MAP3K5: variants seen among roughly 807,000 people sequenced by gnomAD.
The protein encoded by MAP3K5 is mitogen-activated protein kinase kinase kinase 5, also known as ASK-1.
MAP3K5 carries 56 observed loss-of-function variants against 158.7 expected under a neutral mutation model. The observed-to-expected ratio is 0.35, with a 90% CI of 0.28 to 0.44. The LOEUF is 0.44. Ranked by LOEUF, MAP3K5 falls within the 20% of genes least tolerant of loss-of-function variation. MAP3K5 has a pLI of 1.00. For synonymous variants in MAP3K5, 579 were observed against 601.7 expected (o/e 0.96, Z 0.55); for missense variants, 1,294 against 1,674.8 (o/e 0.77, Z 3.97).
intron 1 of MAP3K5, among the ~76,000 whole-genome samples, chr6:136,744,407 T>C (rs1782845492): frequency 6.6e-6 from 1 of 152,064 alleles, no homozygotes; most frequent in African/African-American, 2.4e-5. Flanking sequence ...ATGAGAACCC[T>C]TGACTCTCCC....
chr6:136,585,787 T>C (rs1002869036), intron 23 of MAP3K5, among the ~76,000 whole-genome samples: 10 of 152,164 alleles, frequency 6.6e-5, no homozygotes, highest in African/African-American at 2.4e-4. Context: ...GCTGGGACTA[T>C]AGGCATGAGC....
chr6:136,783,193 C>T (rs1784690629), intron 1 of MAP3K5, among the ~76,000 whole-genome samples: 1 of 151,548 alleles, frequency 6.6e-6, no homozygotes, highest in Non-Finnish European at 1.5e-5. Flanking sequence ...AGGAGGATCA[C>T]TTGAGCCCAG....
intron 14 of MAP3K5, among the ~76,000 whole-genome samples, chr6:136,631,747 G>A (rs765103850): frequency 3.6e-4 from 55 of 152,160 alleles, no homozygotes; most frequent in Non-Finnish European, 5.3e-4. Context: ...AAACAACTCT[G>A]ATTTTGTCAC....
intron 4 of MAP3K5, among the ~76,000 whole-genome samples, chr6:136,698,093 G>C (rs961225159): frequency 1.3e-5 from 2 of 152,156 alleles, no homozygotes; most frequent in Non-Finnish European, 2.9e-5. Flanking sequence ...TCCTGACTCA[G>C]CCTATCATTT....
intron 8 of MAP3K5, among the ~76,000 whole-genome samples, chr6:136,664,214 G>A (rs758891323): frequency 7.2e-5 from 11 of 152,008 alleles, no homozygotes; most frequent in Non-Finnish European, 7.4e-5. Flanking sequence ...TGTGAACTGC[G>A]CGTGCAAGGG....
At chr6:136,738,348 G>A (rs149546445) in intron 1 of MAP3K5, among the ~76,000 whole-genome samples, 331 of 152,168 alleles carry the variant, frequency 2.2e-3, no homozygotes, top group Non-Finnish European at 3.6e-3. Flanking sequence ...TTATAGCTGC[G>A]GACCTGCTTG....
At chr6:136,699,113 C>A (rs1346161221) in intron 3 of MAP3K5, among the ~76,000 whole-genome samples, 1 of 152,090 alleles carries the variant, frequency 6.6e-6, no homozygotes, top group East Asian at 1.9e-4. Context: ...AAGTAGATCC[C>A]GCTCAAATCC....
chr6:136,580,088 C>T (rs1437651244), intron 25 of MAP3K5, among the ~76,000 whole-genome samples: 1 of 152,190 alleles, frequency 6.6e-6, no homozygotes, highest in Non-Finnish European at 1.5e-5. Context: ...TCCTTAAAGA[C>T]AGGGGAAGCA....
chr6:136,631,134 G>C (rs1777330902), intron 14 of MAP3K5, among the ~76,000 whole-genome samples: 1 of 152,160 alleles, frequency 6.6e-6, no homozygotes, highest in African/African-American at 2.4e-5. Flanking sequence ...AAGTTTGTCT[G>C]CTCTCCTGTC....
At position 136,557,576 on chromosome 6, in the gene MAP3K5, A is replaced by C. The variant is rs1481835664; in HGVS notation, c.*182T>G. 1.7e-5 allele frequency: 9 copies of C among 544,818 alleles called. No individual in the cohort carries two copies. The highest frequency in any genetic ancestry group is 2.9e-5 in the Non-Finnish European group (9 of 306,632). The allele number at this position is 544,818 out of a possible 1,614,324, so 33.7% of individuals were successfully genotyped here. On this transcript the variant is annotated 3_prime_UTR_variant, in exon 30 of 30. Transcript: ENST00000359015. ...ATGAAGAGTCCTTAAAAATTATAGA[A>C]ATAGATGTAGTTAGGAAATTTCAGT... is the stretch of plus-strand genomic sequence containing the variant.
At chr6:136,621,509 T>C (rs1377020664) in intron 15 of MAP3K5, among the ~76,000 whole-genome samples, 1 of 152,172 alleles carries the variant, frequency 6.6e-6, no homozygotes, top group East Asian at 1.9e-4. Flanking sequence ...ATATCCTAGG[T>C]GAAAGTGCTG....
intron 1 of MAP3K5, among the ~76,000 whole-genome samples, chr6:136,743,052 T>C (rs1377818820): frequency 1.3e-5 from 2 of 152,098 alleles, no homozygotes; most frequent in African/African-American, 2.4e-5. Flanking sequence ...CTCATGACAC[T>C]GCACTCCAGC....
chr6:136,615,070 T>C (rs1017589043), intron 15 of MAP3K5, among the ~76,000 whole-genome samples: 4 of 152,228 alleles, frequency 2.6e-5, no homozygotes, highest in African/African-American at 4.8e-5. Flanking sequence ...TTGATGATTA[T>C]TGGAAGTACT....
intron 1 of MAP3K5, among the ~76,000 whole-genome samples, chr6:136,752,908 T>C (rs891150175): frequency 2.6e-5 from 4 of 152,346 alleles, no homozygotes; most frequent in African/African-American, 9.6e-5. Context: ...CTGCTCCCTC[T>C]GCCTGGTACA....
At chr6:136,766,618 C>G (rs546594120) in intron 1 of MAP3K5, among the ~76,000 whole-genome samples, 1 of 152,342 alleles carries the variant, frequency 6.6e-6, no homozygotes, top group South Asian at 2.1e-4. Context: ...AGGATTTACA[C>G]AGCAAAGAGC....
intron 12 of MAP3K5, among the ~76,000 whole-genome samples, chr6:136,642,112 T>A (rs1778005565): frequency 6.6e-6 from 1 of 151,174 alleles, no homozygotes; most frequent in Non-Finnish European, 1.5e-5. Flanking sequence ...CAGGACACAG[T>A]GTAGTAGACG....
intron 2 of MAP3K5, among the ~76,000 whole-genome samples, chr6:136,706,898 A>G (rs1026531752): frequency 6.6e-6 from 1 of 152,230 alleles, no homozygotes; most frequent in Non-Finnish European, 1.5e-5. Flanking sequence ...TGTAAATCTC[A>G]GCGCTTTGGG....
chr6:136,716,066 A>C (rs1160132758), intron 2 of MAP3K5, among the ~76,000 whole-genome samples: 2 of 139,038 alleles, frequency 1.4e-5, no homozygotes, highest in African/African-American at 5.7e-5. Context: ...AAAAAAAAAA[A>C]TTACAGCTGA....
chr6:136,706,729 A>G (rs10484491), intron 2 of MAP3K5, among the ~76,000 whole-genome samples: 86,751 of 152,084 alleles, frequency 0.57, 25,924 homozygotes, highest in African/African-American at 0.75. Context: ...AAGAACCAAC[A>G]AGGACTTTCA....
Sources: allele counts gnomAD v4.1 joint callset (sites outside exome capture counted in the v4.1 genomes callset), GRCh38; gene constraint gnomAD v4.1.1; transcripts MANE v1.5; gene names NCBI Gene and HGNC (gene_info 2026-07-23, HGNC 2026-07-21).